The following RAD51C variants were observed in gnomAD, a reference collection of about 807,000 sequenced individuals.
RAD51C encodes RAD51 paralog C.
In RAD51C, 42 loss-of-function variants were observed where a neutral mutation model predicts 45.0. The observed-to-expected ratio is 0.93, with a 90% CI of 0.73 to 1.21. RAD51C has a LOEUF of 1.21. RAD51C is among the 50% of genes most tolerant of loss of function. The pLI, the probability that RAD51C is intolerant of heterozygous loss-of-function variation, is 0.00. For synonymous variants in RAD51C, 172 were observed against 159.8 expected, an observed-to-expected ratio of 1.08 and a Z score of -0.58; for missense variants, 474 against 452.2, an observed-to-expected ratio of 1.05 and a Z score of -0.44.
chr17:58,734,258 ATGT>A lies in RAD51C; in HGVS notation c.*40_*42del. 6.3e-7 allele frequency: 1 copy of A among 1,589,100 alleles called. No homozygotes were observed. The highest frequency in any genetic ancestry group is 8.6e-7 in the Non-Finnish European group (1 of 1,164,650). On this transcript the variant is annotated 3_prime_UTR_variant, in exon 9 of 9. Coordinates refer to ENST00000337432, the MANE Select transcript of RAD51C (RefSeq NM_058216.3). ...AATCTCAAAGTGTACAAATTTATTG[ATGT>A]TGTGAAATCAATGTGTACAAGTGGA...
chr17:58,697,522 T>A (rs1274742996), intron 3 of RAD51C, among the ~76,000 whole-genome samples: 3 of 124,964 alleles, frequency 2.4e-5, no homozygotes, highest in Admixed American at 9.6e-5. Context: ...GGCAACAGAG[T>A]GAGACTACTC....
chr17:58,695,967 T>C (rs1486624331), intron 2 of RAD51C, among the ~76,000 whole-genome samples: 1 of 151,670 alleles, frequency 6.6e-6, no homozygotes, highest in Non-Finnish European at 1.5e-5. Context: ...CTCGGGAGGC[T>C]GAGGCAGGAG....
chr17:58,718,120 C>G (rs940035000), intron 5 of RAD51C, among the ~76,000 whole-genome samples: 1 of 152,050 alleles, frequency 6.6e-6, no homozygotes, highest in Non-Finnish European at 1.5e-5. Flanking sequence ...TCTCAGCCTC[C>G]CGAGTAGCTG....
At chr17:58,724,147 A>T in intron 7 of RAD51C, 47 bp downstream of exon 7, 1 of 1,525,218 alleles carries the variant, frequency 6.6e-7, no homozygotes, top group South Asian at 1.1e-5. Flanking sequence ...GGTTAATTAT[A>T]CTGAATGAAC....
chr17:58,696,667 GTTGT>G lies in RAD51C; in HGVS notation c.405-21_405-18del, dbSNP rs1064795169. The G allele has an allele frequency of 1.2e-6, 2 of 1,614,064 alleles. No individual in the cohort carries two copies. Among genetic ancestry groups the G allele is most frequent in the South Asian group, 1.1e-5 (1 of 91,080 alleles). ...TACCTTAGATCATCATCATGATTTG[GTTGT>G]TTGTCATCTTTCTGTTGACAGTATG... On this transcript the variant is annotated intron_variant, in intron 2 of 8. Transcript: ENST00000337432.
rs2048022400 is a variant in RAD51C at position 58,696,711 on chromosome 17, T to C, written c.423T>C (p.Asp141=). The C allele has an allele frequency of 6.2e-7, 1 of 1,614,202 alleles. No homozygotes were observed. The highest frequency in any genetic ancestry group is 2.2e-5 in the East Asian group (1 of 44,876). ...KTQLCMQLAV[D]VQIPECFGGV... is the part of the protein sequence containing the mutation. Reference sequence around the variant, plus strand: ...TTGACAGTATGCAGTTGGCAGTAGATGTGCAGATACCAGAATGTTTTGGAG... The same window carrying C: ...TTGACAGTATGCAGTTGGCAGTAGACGTGCAGATACCAGAATGTTTTGGAG... Residue 141 remains aspartate (D), a synonymous_variant, in exon 3 of 9, where the codon GAT becomes GAC. Coordinates refer to ENST00000337432, the MANE Select transcript of RAD51C (RefSeq NM_058216.3).
At chr17:58,694,741 C>A (rs1399304863) in intron 1 of RAD51C, 190 bp from the exon 2 acceptor site, 1 of 637,800 alleles carries the variant, frequency 1.6e-6, no homozygotes. Flanking sequence ...TCCCAAAGTA[C>A]TGGGATTTTA....
At chr17:58,697,707 T>C (rs1478137768) in intron 3 of RAD51C, among the ~76,000 whole-genome samples, 2 of 152,012 alleles carry the variant, frequency 1.3e-5, no homozygotes, top group African/African-American at 4.8e-5. Context: ...ATAAAGTGAC[T>C]GTAAAACGAT....
chr17:58,708,471 A>G (rs1052868005), intron 4 of RAD51C, among the ~76,000 whole-genome samples: 33 of 152,176 alleles, frequency 2.2e-4, no homozygotes, highest in African/African-American at 7.7e-4. Flanking sequence ...GGAGGTGTCA[A>G]TTAATACTTG....
intron 7 of RAD51C, among the ~76,000 whole-genome samples, chr17:58,724,619 C>T (rs995863572): frequency 2.3e-4 from 35 of 151,452 alleles, no homozygotes; most frequent in African/African-American, 2.4e-5. Flanking sequence ...AGTTACTTAC[C>T]TGCATTTCAC....
rs751528808 is a variant in RAD51C, at chr17:58,703,312, C to G, written c.688C>G (p.Leu230Val). The change falls in exon 4 of 9, where the codon CTT (leucine) becomes GTT (valine). Residue 230 changes from leucine (L) to valine (V), a missense_variant. Transcript: ENST00000337432. ...LAQVYLLPDFLSEHSKVRLVI... is the reference protein window; with the variant it reads ...LAQVYLLPDFVSEHSKVRLVI... ...ACAAGTTTATCTTCTTCCAGATTTCCTTTCAGAACACTCAAAGGTATGAGT... is the reference window on the plus strand; with the variant it reads ...ACAAGTTTATCTTCTTCCAGATTTCGTTTCAGAACACTCAAAGGTATGAGT... 6.2e-7 allele frequency: 1 copy of G among 1,612,186 alleles called. No individual in the cohort carries two copies. The highest frequency in any genetic ancestry group is 8.5e-7 in the Non-Finnish European group (1 of 1,178,584).
chr17:58,726,522 A>G (rs1052224916), intron 7 of RAD51C, among the ~76,000 whole-genome samples: 1 of 120,692 alleles, frequency 8.3e-6, no homozygotes, highest in African/African-American at 2.6e-5. Context: ...ATAGATGTAT[A>G]TACATATGTA....
intron 7 of RAD51C, 144 bp downstream of exon 7, chr17:58,724,244 CTAGAGCAAACA>C: frequency 1.3e-6 from 1 of 757,100 alleles, no homozygotes; most frequent in Non-Finnish European, 2.3e-6. Flanking sequence ...CTGATATCAC[CTAGAGCAAACA>C]TAGAAATGTG....
At chr17:58,733,351 A>G (rs1463485443) in intron 8 of RAD51C, among the ~76,000 whole-genome samples, 4 of 152,164 alleles carry the variant, frequency 2.6e-5, no homozygotes, top group Admixed American at 2.6e-4. Flanking sequence ...ACAGAAATAG[A>G]GATTCTGAAA....
intron 1 of RAD51C, chr17:58,694,327 G>C (rs527626456): frequency 6.5e-6 from 1 of 153,954 alleles, no homozygotes; most frequent in South Asian, 2.0e-4. Flanking sequence ...GACCAAAAGG[G>C]ATAGTAAAAA....
chr17:58,726,562 ATATG>A (rs2049148949), intron 7 of RAD51C, among the ~76,000 whole-genome samples: 1 of 124,508 alleles, frequency 8.0e-6, no homozygotes, highest in South Asian at 2.4e-4. Context: ...ATGTATATAC[ATATG>A]TATATATGTG....
rs2143747999 is a variant in RAD51C, at chr17:58,696,803, T to C, written c.515T>C (p.Leu172Pro). The change falls in exon 3 of 9, where the codon CTT becomes CCT. Residue 172 changes from leucine (L) to proline (P), a missense_variant. Coordinates refer to ENST00000337432, the MANE Select transcript of RAD51C (RefSeq NM_058216.3). ...GSFMVDRVVDLATACIQHLQL... is the reference protein window; with the variant it reads ...GSFMVDRVVDPATACIQHLQL... ...TTTATGGTTGATAGAGTGGTAGACCTTGCTACTGCCTGCATTCAGCACCTT... is the reference window on the plus strand; with the variant it reads ...TTTATGGTTGATAGAGTGGTAGACCCTGCTACTGCCTGCATTCAGCACCTT... 1 of 1,614,186 alleles carries C rather than the reference T, an allele frequency of 6.2e-7. No individual in the cohort carries two copies. Among genetic ancestry groups the C allele is most frequent in the South Asian group, 1.1e-5 (1 of 91,086 alleles).
intron 3 of RAD51C, among the ~76,000 whole-genome samples, chr17:58,701,993 AT>A (rs1242258409): frequency 1.8e-4 from 25 of 140,306 alleles, no homozygotes; most frequent in Admixed American, 1.7e-3. Context: ...ACTGTGTTTT[AT>A]TTTTTTGTTT....
chr17:58,699,978 T>TC (rs1222895932), intron 3 of RAD51C: 4 of 152,196 alleles, frequency 2.6e-5, no homozygotes, highest in Non-Finnish European at 1.5e-5. Flanking sequence ...GCCTCCTGAG[T>TC]AGCTGGGAGC....
Sources: gnomAD v4.1 joint callset for allele counts (sites outside exome capture counted in the v4.1 genomes callset) on GRCh38, gnomAD v4.1.1 for gene constraint, MANE v1.5 for transcripts, NCBI Gene and HGNC (gene_info 2026-07-23, HGNC 2026-07-21) for gene names.